PABPC4L: variants seen among roughly 807,000 people sequenced by gnomAD.
The protein encoded by PABPC4L is polyadenylate-binding protein 4-like.
For synonymous variants in PABPC4L, 169 were observed against 164.1 expected (o/e 1.03, Z -0.23); for missense variants, 452 against 451.4 (o/e 1.00, Z -0.01).
At chr4:134,053,848 C>T in the PABPC4L span, among the ~76,000 whole-genome samples, 1 of 151,826 alleles carries the variant, frequency 6.6e-6, no homozygotes, top group African/African-American at 2.4e-5. Context: ...ATACAAAAAC[C>T]ATGACGAAAA....
At chr4:133,969,819 C>G in the PABPC4L span, among the ~76,000 whole-genome samples, 67 of 152,144 alleles carry the variant, frequency 4.4e-4, no homozygotes, top group East Asian at 0.011. Context: ...AACAAAAACG[C>G]TTATCTTGAC....
the PABPC4L span, among the ~76,000 whole-genome samples, chr4:134,114,516 A>T: frequency 6.6e-6 from 1 of 151,928 alleles, no homozygotes; most frequent in African/African-American, 2.4e-5. Context: ...TACCTCCGTA[A>T]TACTCAACCA....
At chr4:134,121,918 T>C in the PABPC4L span, among the ~76,000 whole-genome samples, 1 of 151,972 alleles carries the variant, frequency 6.6e-6, no homozygotes, top group African/African-American at 2.4e-5. Context: ...TGAAGAAAAA[T>C]GAAAGACAAG....
the PABPC4L span, among the ~76,000 whole-genome samples, chr4:134,031,753 G>T: frequency 1.3e-5 from 2 of 151,766 alleles, no homozygotes; most frequent in Non-Finnish European, 1.5e-5. Context: ...ATGATATGGG[G>T]ATATATAACA....
the PABPC4L span, among the ~76,000 whole-genome samples, chr4:134,124,351 A>G: frequency 6.6e-6 from 1 of 152,006 alleles, no homozygotes; most frequent in Non-Finnish European, 1.5e-5. Flanking sequence ...TGCTACTCTA[A>G]AACTAGTTTT....
At chr4:134,028,809 T>C in the PABPC4L span, among the ~76,000 whole-genome samples, 2 of 152,176 alleles carry the variant, frequency 1.3e-5, no homozygotes, top group African/African-American at 4.8e-5. Flanking sequence ...TTTGGTGAAT[T>C]ATCTCATTTA....
At chr4:134,147,165 A>G in the PABPC4L span, among the ~76,000 whole-genome samples, 3 of 152,178 alleles carry the variant, frequency 2.0e-5, no homozygotes, top group Non-Finnish European at 4.4e-5. Flanking sequence ...TATTTGAACT[A>G]CAAATTTCAG....
At chr4:134,002,503 A>G in the PABPC4L span, among the ~76,000 whole-genome samples, 2 of 152,018 alleles carry the variant, frequency 1.3e-5, no homozygotes, top group Admixed American at 1.3e-4. Context: ...TTAACTGAAA[A>G]TAGGCTAAAT....
In PABPC4L at chr4:134,198,748, TAGATGAAAGGCAGG is replaced by T. The variant is rs1489925517; in HGVS notation, c.*1145_*1158del. On this transcript the variant is annotated 3_prime_UTR_variant, in exon 2 of 2. Coordinates refer to ENST00000421491, the MANE Select transcript of PABPC4L (RefSeq NM_001114734.2). ...AAGTATTTTAAAAAGCTGAGGAATA[TAGATGAAAGGCAGG>T]AGAGCAAGGAAAATAGGGGAATGGT... is the stretch of plus-strand genomic sequence containing the variant. 6.6e-6 allele frequency: 1 copy of T among 151,866 alleles called. No individual in the cohort carries two copies. The highest frequency in any genetic ancestry group is 1.5e-5 in the Non-Finnish European group (1 of 67,802). 9.4% of individuals were successfully genotyped at this position (151,866 alleles called of 1,614,324 possible).
the PABPC4L span, among the ~76,000 whole-genome samples, chr4:134,029,140 G>T: frequency 3.9e-5 from 6 of 152,040 alleles, no homozygotes; most frequent in Non-Finnish European, 7.4e-5. Context: ...TCTTTTAAGG[G>T]ATTGTTTTCA....
chr4:134,172,440 G>C, the PABPC4L span, among the ~76,000 whole-genome samples: 5 of 152,216 alleles, frequency 3.3e-5, no homozygotes, highest in African/African-American at 1.2e-4. Context: ...AATGATGCTA[G>C]GATAACTGCC....
the PABPC4L span, among the ~76,000 whole-genome samples, chr4:134,085,627 T>C: frequency 6.6e-6 from 1 of 152,162 alleles, no homozygotes; most frequent in Non-Finnish European, 1.5e-5. Flanking sequence ...TAACACCATA[T>C]GTTGTTTTTG....
the PABPC4L span, among the ~76,000 whole-genome samples, chr4:134,179,445 A>G: frequency 6.6e-6 from 1 of 152,178 alleles, no homozygotes; most frequent in Non-Finnish European, 1.5e-5. Flanking sequence ...ACTTAAGTAC[A>G]TAGACCAGTG....
the PABPC4L span, among the ~76,000 whole-genome samples, chr4:134,028,717 G>A: frequency 1.3e-5 from 2 of 152,056 alleles, no homozygotes; most frequent in East Asian, 3.9e-4. Flanking sequence ...TAAAAAATTA[G>A]CAAACTGATT....
chr4:134,192,821 C>T (rs74603492), downstream of PABPC4L, among the ~76,000 whole-genome samples: 1 of 152,008 alleles, frequency 6.6e-6, no homozygotes, highest in Non-Finnish European at 1.5e-5. Flanking sequence ...CAAGATTAAT[C>T]TTTAGAATCT....
At chr4:134,070,442 C>T in the PABPC4L span, among the ~76,000 whole-genome samples, 1 of 152,036 alleles carries the variant, frequency 6.6e-6, no homozygotes, top group African/African-American at 2.4e-5. Flanking sequence ...TGTTGGCCTC[C>T]TTGTGTCAGA....
At chr4:134,127,750 T>C in the PABPC4L span, among the ~76,000 whole-genome samples, 21 of 152,074 alleles carry the variant, frequency 1.4e-4, no homozygotes, top group Middle Eastern at 3.2e-3. Context: ...GGTTCTTTAA[T>C]ACCCCCAAAA....
the PABPC4L span, among the ~76,000 whole-genome samples, chr4:133,966,288 CATA>C: frequency 6.6e-6 from 1 of 151,986 alleles, no homozygotes; most frequent in Non-Finnish European, 1.5e-5. Flanking sequence ...TAACAATGGC[CATA>C]ATAAAAAAAT....
chr4:134,097,385 A>G, the PABPC4L span, among the ~76,000 whole-genome samples: 1 of 151,890 alleles, frequency 6.6e-6, no homozygotes, highest in Non-Finnish European at 1.5e-5. Flanking sequence ...CTTTGAAATA[A>G]CTTACAAACA....
Sources: allele counts gnomAD v4.1 joint callset (sites outside exome capture counted in the v4.1 genomes callset), GRCh38; gene constraint gnomAD v4.1.1; transcripts MANE v1.5; gene names NCBI Gene and HGNC (gene_info 2026-07-23, HGNC 2026-07-21).